The following UBAP2 variants were observed in gnomAD, a reference collection of about 807,000 sequenced individuals.
UBAP2 encodes the protein ubiquitin associated protein 2.
In UBAP2, 75 loss-of-function variants were observed where a neutral mutation model predicts 139.6. That is an observed-to-expected ratio of 0.54 (90% CI 0.45 to 0.65). The LOEUF (loss-of-function observed/expected upper bound fraction) is 0.65, where lower values mean the gene tolerates loss of function less well. Ranked by LOEUF, UBAP2 falls within the 30% of genes least tolerant of loss-of-function variation. The probability of loss-of-function intolerance (pLI) is 0.00; values close to 1 mark genes in which losing one functional copy is unlikely to be tolerated. For synonymous variants in UBAP2, 526 were observed against 526.2 expected (o/e 1.00, Z 0.01); for missense variants, 1,368 against 1,369.6 (o/e 1.00, Z 0.02).
intron 9 of UBAP2, 80 bp downstream of exon 9, chr9:33,963,646 G>A (rs3780505): frequency 2.4e-6 from 2 of 821,866 alleles, no homozygotes; most frequent in East Asian, 5.5e-5. Flanking sequence ...TTATTAGCTA[G>A]CTTTGATAAA....
Position 33,948,344 on chromosome 9 carries a change from G to A in UBAP2, c.1270+30C>T, listed in dbSNP as rs781722369. ...GCCAAAGCTTGAAACGTCCTCAGTA[G>A]GGGCAAACCCACAAACAATGTATAC... On this transcript the variant is annotated intron_variant, in intron 13 of 28. Transcript: ENST00000379238. The A allele has an allele frequency of 7.1e-6, 11 of 1,549,724 alleles. 1 individual carries two copies. Among genetic ancestry groups the A allele is most frequent in the South Asian group, 3.7e-5 (3 of 81,270 alleles).
At position 33,932,633 on chromosome 9, in the gene UBAP2, A is replaced by G. The variant is rs1205030003; in HGVS notation, c.2109-5T>C. The G allele has an allele frequency of 6.2e-7, 1 of 1,613,932 alleles. No homozygotes were observed. Among genetic ancestry groups the G allele is most frequent in the Non-Finnish European group, 8.5e-7 (1 of 1,179,980 alleles). ...CTCTGGTGGCTGGAGAGCGAACTAG[A>G]AGACAAAACAGAGCGCCGTATGTCC... is the stretch of plus-strand genomic sequence containing the variant. On this transcript the variant is annotated splice_region_variant and splice_polypyrimidine_tract_variant and intron_variant, in intron 18 of 28. Coordinates refer to ENST00000379238, the MANE Select transcript of UBAP2 (RefSeq NM_001370062.2).
Position 33,954,267 on chromosome 9 carries a change from T to TAC in UBAP2, c.867-794_867-793insGT, listed in dbSNP as rs368965909. Among the ~76,000 whole-genome samples, 320 of 101,678 alleles carry TAC rather than the reference T, an allele frequency of 3.1e-3. 1 individual carries two copies. The highest frequency in any genetic ancestry group is 9.4e-3 in the African/African-American group (248 of 26,306). The allele number at this position is 101,678 out of a possible 152,430, so 66.7% of individuals were successfully genotyped here. On this transcript the variant is annotated intron_variant, in intron 11 of 28. Transcript: ENST00000379238. ...CCCATAATACATTTAAGTGTGTGTA[T>TAC]ATACACACACACACACACACACACA...
intron 8 of UBAP2, among the ~76,000 whole-genome samples, chr9:33,966,883 T>C (rs1827503365): frequency 6.6e-6 from 1 of 152,084 alleles, no homozygotes; most frequent in Non-Finnish European, 1.5e-5. Context: ...AAAAACTACA[T>C]CAACAAATCT....
Position 34,037,846 on chromosome 9 carries a change from G to T in UBAP2, c.-42+10979C>A, listed in dbSNP as rs372451986. Among the ~76,000 whole-genome samples the T allele has an allele frequency of 2.0e-5, 3 of 151,838 alleles. No homozygotes were observed. The East Asian group carries it at 5.8e-4, about 29-fold the overall frequency. ...GACAATATGTAAATACAGAAACCCC[G>T]ACTGGATGGGAAAGAGGCTATAAAA... On this transcript the variant is annotated intron_variant, in intron 1 of 28. Transcript: ENST00000379238.
chr9:33,986,936 A>C (rs1303235150), intron 5 of UBAP2, 99 bp from the exon 6 acceptor site: 8 of 1,050,708 alleles, frequency 7.6e-6, no homozygotes, highest in Non-Finnish European at 1.2e-5. Context: ...AATGACAAAC[A>C]GGCTACAATT....
intron 9 of UBAP2, among the ~76,000 whole-genome samples, chr9:33,962,680 A>AAATAATTAAT (rs1554683930): frequency 1.4e-5 from 2 of 145,554 alleles, no homozygotes; most frequent in African/African-American, 5.1e-5. Flanking sequence ...AAATAAATAA[A>AAATAATTAAT]TAATTAAAAA....
intron 13 of UBAP2, among the ~76,000 whole-genome samples, chr9:33,947,433 C>G (rs975231619): frequency 2.0e-5 from 3 of 152,094 alleles, no homozygotes; most frequent in Admixed American, 1.3e-4. Context: ...ACACATGGGA[C>G]CTTTACAATA....
At chr9:34,044,407 A>T (rs1415338417) in intron 1 of UBAP2, among the ~76,000 whole-genome samples, 1 of 151,862 alleles carries the variant, frequency 6.6e-6, no homozygotes, top group Admixed American at 6.6e-5. Flanking sequence ...TCTCGAAAAA[A>T]AAAAAAAATT....
intron 6 of UBAP2, among the ~76,000 whole-genome samples, chr9:33,982,212 A>G (rs1820825915): frequency 6.6e-6 from 1 of 152,146 alleles, no homozygotes; most frequent in East Asian, 1.9e-4. Flanking sequence ...GCTGGTAAAC[A>G]TACTTACCTG....
intron 10 of UBAP2, among the ~76,000 whole-genome samples, chr9:33,960,439 C>T (rs1484428785): frequency 1.3e-5 from 2 of 152,086 alleles, no homozygotes; most frequent in African/African-American, 2.4e-5. Context: ...ATGTCTCAGG[C>T]TCTTTCTTCC....
rs1270503425 is a variant in UBAP2, at chr9:33,996,278, C to T, written c.233G>A (p.Cys78Tyr). The change falls in exon 4 of 29, where the codon TGT (cysteine) becomes TAT (tyrosine). Residue 78 changes from cysteine to tyrosine, a missense_variant. Coordinates refer to ENST00000379238, the MANE Select transcript of UBAP2 (RefSeq NM_001370062.2). ...GATAGCTTTGTTCACATCTCCATTA[C>T]AATCATGTAGGGCCACTATGCATTC... ...QDECIVALHD[C>Y]NGDVNKAINI... is the part of the protein sequence containing the mutation. 6.2e-7 allele frequency: 1 copy of T among 1,613,740 alleles called. No individual in the cohort carries two copies. Among genetic ancestry groups the T allele is most frequent in the South Asian group, 1.1e-5 (1 of 91,062 alleles).
intron 4 of UBAP2, among the ~76,000 whole-genome samples, chr9:33,989,972 G>T (rs1246340438): frequency 6.6e-6 from 1 of 152,090 alleles, no homozygotes; most frequent in Non-Finnish European, 1.5e-5. Flanking sequence ...AACCTCCAAA[G>T]AATTCTTCTA....
intron 1 of UBAP2, among the ~76,000 whole-genome samples, chr9:34,035,256 A>G (rs1167055229): frequency 6.6e-6 from 1 of 151,562 alleles, no homozygotes; most frequent in Non-Finnish European, 1.5e-5. Context: ...TAATCCCAGC[A>G]CTTTGGGAGG....
chr9:33,942,032 G>C (rs1825263733), intron 15 of UBAP2, among the ~76,000 whole-genome samples, 170 bp from the exon 16 acceptor site: 1 of 152,124 alleles, frequency 6.6e-6, no homozygotes, highest in African/African-American at 2.4e-5. Context: ...AGAATACTTA[G>C]GCTGCGTGCG....
chr9:33,960,222 G>A (rs148460043), intron 10 of UBAP2, among the ~76,000 whole-genome samples: 575 of 152,004 alleles, frequency 3.8e-3, no homozygotes, highest in Non-Finnish European at 5.8e-3. Flanking sequence ...GAGTCACTAC[G>A]CCCAGCCTAA....
At chr9:33,988,779 A>G (rs1209480555) in intron 5 of UBAP2, among the ~76,000 whole-genome samples, 194 bp downstream of exon 5, 1 of 152,232 alleles carries the variant, frequency 6.6e-6, no homozygotes, top group African/African-American at 2.4e-5. Flanking sequence ...CAAATTCTGC[A>G]TTGAGGAAAC....
At chr9:33,980,782 C>G (rs940838417) in intron 6 of UBAP2, among the ~76,000 whole-genome samples, 1 of 150,942 alleles carries the variant, frequency 6.6e-6, no homozygotes, top group Non-Finnish European at 1.5e-5. Context: ...ATGGCAAAAC[C>G]CTCTCTCTAC....
intron 6 of UBAP2, among the ~76,000 whole-genome samples, chr9:33,977,685 C>CA (rs1211246895): frequency 6.6e-6 from 1 of 151,574 alleles, no homozygotes; most frequent in Non-Finnish European, 1.5e-5. Context: ...TTTTTTGAGA[C>CA]AGAGTTTTGC....
Sources: allele counts gnomAD v4.1 joint callset (sites outside exome capture counted in the v4.1 genomes callset), GRCh38; gene constraint gnomAD v4.1.1; transcripts MANE v1.5; gene names NCBI Gene and HGNC (gene_info 2026-07-23, HGNC 2026-07-21).